Variants in WDR70 observed in about 807,000 individuals in gnomAD.
WDR70 encodes WD repeat domain 70.
A neutral mutation model predicts 88.6 loss-of-function variants in WDR70; 53 were observed. The observed-to-expected ratio is 0.60, with a 90% CI of 0.48 to 0.75. WDR70 has a LOEUF of 0.75. Among genes scored for constraint, WDR70 ranks in the 30% least tolerant of loss-of-function variants. The pLI, the probability that WDR70 is intolerant of heterozygous loss-of-function variation, is 0.00. For synonymous variants in WDR70, 280 were observed against 270.0 expected (o/e 1.04, Z -0.36); for missense variants, 610 against 823.2 (o/e 0.74, Z 3.17).
rs185377694 is a variant in WDR70, at chr5:37,631,078, G to A, written c.1092+25840G>A. On this transcript the variant is annotated intron_variant, in intron 10 of 17. Coordinates refer to ENST00000265107, the MANE Select transcript of WDR70 (RefSeq NM_018034.4). Reference sequence around the variant, plus strand: ...CGCCAGGCAGATCTGATCCAGGTCGGGGAGATGGGGTTATAGAGGCTATGT... The same window carrying A: ...CGCCAGGCAGATCTGATCCAGGTCGAGGAGATGGGGTTATAGAGGCTATGT... Among the ~76,000 whole-genome samples the A allele has an allele frequency of 3.1e-3, 475 of 152,286 alleles. 1 individual carries two copies. Among genetic ancestry groups the A allele is most frequent in the African/African-American group, 0.011 (446 of 41,560 alleles).
At chr5:37,511,192 A>G (rs920394984) in intron 8 of WDR70, among the ~76,000 whole-genome samples, 1 of 152,206 alleles carries the variant, frequency 6.6e-6, no homozygotes, top group African/African-American at 2.4e-5. Context: ...TTGCAAAATG[A>G]TGATCTTTTA....
intron 13 of WDR70, among the ~76,000 whole-genome samples, 199 bp from the exon 14 acceptor site, chr5:37,720,916 G>A (rs1004236038): frequency 6.6e-6 from 1 of 152,086 alleles, no homozygotes; most frequent in South Asian, 2.1e-4. Context: ...TTTTTATGGA[G>A]TATCACCCAG....
At chr5:37,526,094 A>G (rs955751970) in intron 9 of WDR70, among the ~76,000 whole-genome samples, 1 of 152,248 alleles carries the variant, frequency 6.6e-6, no homozygotes, top group African/African-American at 2.4e-5. Context: ...AACCGTTCGA[A>G]TCAATGGAAA....
At chr5:37,392,168 G>A in intron 4 of WDR70, 48 bp downstream of exon 4, 1 of 1,404,448 alleles carries the variant, frequency 7.1e-7, no homozygotes, top group Non-Finnish European at 9.7e-7. Flanking sequence ...GTTTCTAGGT[G>A]TTTATAGAGT....
intron 10 of WDR70, among the ~76,000 whole-genome samples, chr5:37,693,315 C>A (rs1746867620): frequency 1.3e-5 from 2 of 152,156 alleles, no homozygotes; most frequent in Non-Finnish European, 2.9e-5. Flanking sequence ...AATGCCATCC[C>A]CATCAAGTTA....
intron 8 of WDR70, among the ~76,000 whole-genome samples, chr5:37,488,295 G>A (rs998726680): frequency 2.0e-5 from 3 of 151,306 alleles, no homozygotes; most frequent in Non-Finnish European, 4.4e-5. Context: ...TTTTTGGGTT[G>A]TATCTATATG....
At chr5:37,443,564 T>C (rs1016291150) in intron 7 of WDR70, among the ~76,000 whole-genome samples, 192 bp downstream of exon 7, 1 of 152,342 alleles carries the variant, frequency 6.6e-6, no homozygotes, top group Non-Finnish European at 1.5e-5. Context: ...CATAAACTTA[T>C]ATTTTAGGCT....
chr5:37,396,618 A>C, intron 5 of WDR70, 48 bp downstream of exon 5: 1 of 1,529,172 alleles, frequency 6.5e-7, no homozygotes. Flanking sequence ...TAATATCTTT[A>C]CTGTAGAGAT....
At chr5:37,581,960 C>G (rs1743229930) in intron 9 of WDR70, among the ~76,000 whole-genome samples, 1 of 151,914 alleles carries the variant, frequency 6.6e-6, no homozygotes, top group Admixed American at 6.6e-5. Flanking sequence ...AATCCTAGCT[C>G]TCATAGTGCT....
chr5:37,479,651 A>T, intron 7 of WDR70, 183 bp from the exon 8 acceptor site: 1 of 607,330 alleles, frequency 1.6e-6, no homozygotes, highest in Non-Finnish European at 2.8e-6. Context: ...GATTATAGGC[A>T]TGAGCTACCT....
rs150252486 is a variant in WDR70 at position 37,398,014 on chromosome 5, A to G, written c.492+1444A>G. ...CAGAAAAAAAAAAAAAAAAGATATA[A>G]TCTCCAAAATACTGAAAGGAAAGAA... On this transcript the variant is annotated intron_variant, in intron 5 of 17. Coordinates refer to ENST00000265107, the MANE Select transcript of WDR70 (RefSeq NM_018034.4). Among the ~76,000 whole-genome samples the G allele has an allele frequency of 7.6e-4, 115 of 151,568 alleles. 2 individuals carry two copies. In the East Asian group the frequency reaches 0.021, roughly 28 times the overall value.
intron 5 of WDR70, among the ~76,000 whole-genome samples, chr5:37,397,159 C>T (rs530327162): frequency 8.8e-5 from 13 of 148,042 alleles, no homozygotes; most frequent in African/African-American, 3.0e-4. Context: ...CCAACCCCCC[C>T]GCAAAAAACC....
intron 8 of WDR70, among the ~76,000 whole-genome samples, chr5:37,498,946 C>G (rs1223021468): frequency 6.6e-6 from 1 of 152,142 alleles, no homozygotes; most frequent in East Asian, 1.9e-4. Flanking sequence ...ATTTTACATT[C>G]CCACCAGAAA....
chr5:37,567,859 G>T (rs1484766649), intron 9 of WDR70, among the ~76,000 whole-genome samples: 5 of 152,174 alleles, frequency 3.3e-5, no homozygotes, highest in Non-Finnish European at 7.3e-5. Flanking sequence ...GGATCCTGTA[G>T]CACTTTTCAG....
intron 8 of WDR70, among the ~76,000 whole-genome samples, chr5:37,483,010 T>C (rs1300370035): frequency 6.8e-6 from 1 of 148,098 alleles, no homozygotes; most frequent in Non-Finnish European, 1.5e-5. Flanking sequence ...TGCTTGTGAA[T>C]AGCCACTAGC....
intron 5 of WDR70, among the ~76,000 whole-genome samples, chr5:37,420,980 A>G (rs916960780): frequency 4.6e-5 from 7 of 152,176 alleles, no homozygotes; most frequent in South Asian, 2.1e-4. Context: ...CAACAGTTCA[A>G]CAGTTAGCGG....
At chr5:37,552,922 C>T (rs1207489995) in intron 9 of WDR70, among the ~76,000 whole-genome samples, 1 of 152,096 alleles carries the variant, frequency 6.6e-6, no homozygotes, top group Admixed American at 6.5e-5. Flanking sequence ...AACAAGAAGC[C>T]CTAATTGTCA....
At chr5:37,681,398 T>C (rs530853241) in intron 10 of WDR70, among the ~76,000 whole-genome samples, 33 of 152,326 alleles carry the variant, frequency 2.2e-4, no homozygotes, top group African/African-American at 7.9e-4. Context: ...ACTTCTTCTC[T>C]TCCTATTTGG....
At chr5:37,547,493 T>C (rs1307223269) in intron 9 of WDR70, among the ~76,000 whole-genome samples, 1 of 152,144 alleles carries the variant, frequency 6.6e-6, no homozygotes, top group Non-Finnish European at 1.5e-5. Flanking sequence ...ATTTTTAAAG[T>C]TTATTTTATT....
Sources: gnomAD v4.1 joint callset for allele counts (sites outside exome capture counted in the v4.1 genomes callset) on GRCh38, gnomAD v4.1.1 for gene constraint, MANE v1.5 for transcripts, NCBI Gene and HGNC (gene_info 2026-07-23, HGNC 2026-07-21) for gene names.